PEAK1: variants seen among roughly 807,000 people sequenced by gnomAD.
The protein encoded by PEAK1 is pseudopodium enriched atypical kinase 1.
A neutral mutation model predicts 124.7 loss-of-function variants in PEAK1; 54 were observed. The observed-to-expected ratio is 0.43, with a 90% confidence interval of 0.35 to 0.54. The LOEUF (loss-of-function observed/expected upper bound fraction) is 0.54, where lower values mean the gene tolerates loss of function less well. Among genes scored for constraint, PEAK1 ranks in the 20% least tolerant of loss-of-function variants. The pLI is 0.01. For missense variants in PEAK1, 2,046 were observed against 2,134.5 expected, an observed-to-expected ratio of 0.96 and a Z score of 0.82; for synonymous variants, 719 against 760.0, an observed-to-expected ratio of 0.95 and a Z score of 0.89.
rs146958140 is a variant in PEAK1 at position 77,140,931 on chromosome 15, G to C, written c.3332-7181C>G. On this transcript the variant is annotated intron_variant, in intron 8 of 9. Transcript: ENST00000682557. ...TTGCTCAGGCTGGTCTCAAACTCCT[G>C]AGCTCAAGTGACCTGCCTGCCTTGG... Among the ~76,000 whole-genome samples, 416 of 152,068 alleles carry C rather than the reference G, an allele frequency of 2.7e-3. 4 individuals carry two copies. Among genetic ancestry groups the C allele is most frequent in the Admixed American group, 0.025 (381 of 15,258 alleles).
intron 8 of PEAK1, among the ~76,000 whole-genome samples, chr15:77,144,278 T>C (rs1186862611): frequency 6.6e-6 from 1 of 152,194 alleles, no homozygotes; most frequent in Non-Finnish European, 1.5e-5. Context: ...TGTTAATATG[T>C]TCCATATTTT....
intron 8 of PEAK1, among the ~76,000 whole-genome samples, chr15:77,141,828 C>T (rs892311253): frequency 5.9e-5 from 9 of 152,004 alleles, no homozygotes; most frequent in Non-Finnish European, 1.2e-4. Context: ...TCACACTATA[C>T]ACAAAAATTA....
At chr15:77,414,644 C>G (rs1007255245) in intron 1 of PEAK1, among the ~76,000 whole-genome samples, 1 of 152,096 alleles carries the variant, frequency 6.6e-6, no homozygotes. Flanking sequence ...CCTTTCTAAT[C>G]CTCAGTTTCT....
At chr15:77,372,960 G>A (rs1227816891) in intron 1 of PEAK1, among the ~76,000 whole-genome samples, 5 of 152,148 alleles carry the variant, frequency 3.3e-5, no homozygotes, top group Non-Finnish European at 5.9e-5. Context: ...CAGATGGCCA[G>A]CTTCCTATAC....
At chr15:77,166,942 G>A (rs920086921) in intron 7 of PEAK1, among the ~76,000 whole-genome samples, 1 of 152,124 alleles carries the variant, frequency 6.6e-6, no homozygotes, top group Non-Finnish European at 1.5e-5. Context: ...TACCTGGGGA[G>A]CTTGTTAAAA....
chr15:77,140,425 G>T (rs2152752103), intron 8 of PEAK1, among the ~76,000 whole-genome samples: 1 of 152,280 alleles, frequency 6.6e-6, no homozygotes, highest in Middle Eastern at 3.4e-3. Flanking sequence ...GGAATGCAAG[G>T]TTGGTTTAAC....
intron 5 of PEAK1, among the ~76,000 whole-genome samples, chr15:77,253,174 T>C (rs1260813178): frequency 6.7e-6 from 1 of 149,502 alleles, no homozygotes; most frequent in African/African-American, 2.4e-5. Flanking sequence ...TACAAGAGGA[T>C]GTATATAGAT....
intron 2 of PEAK1, among the ~76,000 whole-genome samples, chr15:77,302,201 G>A (rs1356100800): frequency 6.6e-6 from 1 of 152,132 alleles, no homozygotes; most frequent in Non-Finnish European, 1.5e-5. Context: ...AAGATCTGAG[G>A]ACTAGGTATG....
chr15:77,254,116 G>A (rs1416404569), intron 5 of PEAK1, among the ~76,000 whole-genome samples: 1 of 152,076 alleles, frequency 6.6e-6, no homozygotes, highest in Admixed American at 6.5e-5. Context: ...CACTGCGCCT[G>A]GCCTATCTTT....
intron 5 of PEAK1, among the ~76,000 whole-genome samples, chr15:77,267,573 C>T (rs1429094362): frequency 6.6e-6 from 1 of 152,122 alleles, no homozygotes; most frequent in Non-Finnish European, 1.5e-5. Flanking sequence ...AGCCCAGAGC[C>T]TAACAGCTCT....
In PEAK1 at chr15:77,115,395, A is replaced by C. The variant is rs148575177; in HGVS notation, c.4078-76T>G. 2.0e-4 allele frequency: 276 copies of C among 1,354,166 alleles called. No homozygotes were observed. In the African/African-American group the frequency reaches 3.8e-3, roughly 19 times the overall value. The allele number at this position is 1,354,166 out of a possible 1,614,324, so 83.9% of individuals were successfully genotyped here. On this transcript the variant is annotated intron_variant, in intron 9 of 9. Transcript: ENST00000682557. Reference sequence around the variant, plus strand: ...TGATGTATCAGGGAAGATTAACTGGAAGGTGACTGGTTAGGGACAAACGAT... The same window carrying C: ...TGATGTATCAGGGAAGATTAACTGGCAGGTGACTGGTTAGGGACAAACGAT...
At chr15:77,408,868 T>G (rs2072158328) in intron 1 of PEAK1, among the ~76,000 whole-genome samples, 1 of 152,132 alleles carries the variant, frequency 6.6e-6, no homozygotes, top group African/African-American at 2.4e-5. Flanking sequence ...CCCAGGAGTT[T>G]GCAATCATCC....
chr15:77,386,930 T>C (rs1350579959), intron 1 of PEAK1, among the ~76,000 whole-genome samples: 1 of 152,104 alleles, frequency 6.6e-6, no homozygotes, highest in East Asian at 1.9e-4. Flanking sequence ...TCACCAAAGA[T>C]CTTTAAAGAA....
chr15:77,356,424 T>G (rs1054613483), intron 2 of PEAK1, among the ~76,000 whole-genome samples: 2 of 152,284 alleles, frequency 1.3e-5, no homozygotes, highest in South Asian at 4.1e-4. Flanking sequence ...GAGAATAAAA[T>G]TGCATAAGCC....
chr15:77,163,376 T>C (rs1353591771), intron 7 of PEAK1, among the ~76,000 whole-genome samples: 2 of 152,214 alleles, frequency 1.3e-5, no homozygotes, highest in Admixed American at 6.5e-5. Context: ...GTCTGTTATA[T>C]AAACAAATCC....
intron 9 of PEAK1, among the ~76,000 whole-genome samples, chr15:77,117,140 T>A (rs932483689): frequency 6.6e-6 from 1 of 152,190 alleles, no homozygotes; most frequent in Admixed American, 6.5e-5. Context: ...TATTATATTG[T>A]CTTCTGGAAT....
intron 8 of PEAK1, among the ~76,000 whole-genome samples, chr15:77,148,466 T>A (rs903698914): frequency 6.6e-6 from 1 of 152,208 alleles, no homozygotes; most frequent in African/African-American, 2.4e-5. Context: ...GGGGATCCTG[T>A]AGTCTGTTTT....
chr15:77,202,307 A>G (rs553631953), intron 6 of PEAK1, among the ~76,000 whole-genome samples: 75 of 152,172 alleles, frequency 4.9e-4, no homozygotes, highest in Non-Finnish European at 8.4e-4. Context: ...AAATCTGCAT[A>G]TAACTTTTGA....
intron 6 of PEAK1, among the ~76,000 whole-genome samples, chr15:77,202,903 A>T (rs1347781302): frequency 6.6e-6 from 1 of 151,748 alleles, no homozygotes; most frequent in Non-Finnish European, 1.5e-5. Flanking sequence ...TGGGTGTGGC[A>T]GTGCGCACCT....
Sources: gnomAD v4.1 joint callset for allele counts (sites outside exome capture counted in the v4.1 genomes callset) on GRCh38, gnomAD v4.1.1 for gene constraint, MANE v1.5 for transcripts, NCBI Gene and HGNC (gene_info 2026-07-23, HGNC 2026-07-21) for gene names.